ZFHX3: variants seen among roughly 807,000 people sequenced by gnomAD.
ZFHX3 encodes the protein zinc finger homeobox protein 3.
Under a neutral mutation model 279.1 loss-of-function variants are expected in ZFHX3, and 42 were observed. The observed-to-expected ratio is 0.15, with a 90% CI of 0.12 to 0.19. ZFHX3 has a LOEUF of 0.19. Among genes scored for constraint, ZFHX3 ranks in the 10% least tolerant of loss-of-function variants. The probability of loss-of-function intolerance (pLI) is 1.00; values close to 1 mark genes in which losing one functional copy is unlikely to be tolerated. For synonymous variants in ZFHX3, 2,293 were observed against 1,957.8 expected, an observed-to-expected ratio of 1.17 and a Z score of -4.52; for missense variants, 4,981 against 4,754.0, an observed-to-expected ratio of 1.05 and a Z score of -1.40.
intron 2 of ZFHX3, chr16:73,486,805 C>T: frequency 2.2e-6 from 1 of 455,900 alleles, no homozygotes; most frequent in South Asian, 1.5e-5. Flanking sequence ...ATCCATCGTT[C>T]AATGTACCGT....
chr16:72,877,347 T>C (rs2038339049), intron 4 of ZFHX3, among the ~76,000 whole-genome samples: 1 of 124,320 alleles, frequency 8.0e-6, no homozygotes, highest in Admixed American at 7.7e-5. Context: ...GTTAAGGCAC[T>C]GTGTAGGTTT....
chr16:73,346,045 G>A (rs966026745), intron 3 of ZFHX3, among the ~76,000 whole-genome samples: 1 of 152,138 alleles, frequency 6.6e-6, no homozygotes. Flanking sequence ...GTCCCTCTGA[G>A]ACCCTTCTCA....
At chr16:73,587,079 G>C (rs1247990495) in intron 2 of ZFHX3, among the ~76,000 whole-genome samples, 1 of 152,160 alleles carries the variant, frequency 6.6e-6, no homozygotes, top group Non-Finnish European at 1.5e-5. Context: ...GTGAAAGAAA[G>C]AGTGAAATTT....
At chr16:73,714,123 T>C (rs2053391626) in intron 1 of ZFHX3, among the ~76,000 whole-genome samples, 1 of 152,176 alleles carries the variant, frequency 6.6e-6, no homozygotes, top group Non-Finnish European at 1.5e-5. Flanking sequence ...TGCTCAGTAT[T>C]AATTATTAAC....
intron 2 of ZFHX3, among the ~76,000 whole-genome samples, chr16:73,667,371 T>C (rs945999257): frequency 6.6e-6 from 1 of 152,214 alleles, no homozygotes; most frequent in Non-Finnish European, 1.5e-5. Flanking sequence ...GTAAAGCCAC[T>C]GTAAATGTTA....
At chr16:73,157,020 T>G (rs1967103803) in intron 5 of ZFHX3, among the ~76,000 whole-genome samples, 1 of 151,962 alleles carries the variant, frequency 6.6e-6, no homozygotes, top group African/African-American at 2.4e-5. Flanking sequence ...CCTCCTGGCT[T>G]ATTTTTTAAT....
At chr16:73,182,466 C>CA (rs973135469) in intron 5 of ZFHX3, among the ~76,000 whole-genome samples, 34 of 151,478 alleles carry the variant, frequency 2.2e-4, no homozygotes, top group East Asian at 7.8e-4. Context: ...CAAAACAAAA[C>CA]AAAAAAAACA....
At chr16:73,841,582 C>T (rs1961310134) in intron 1 of ZFHX3, among the ~76,000 whole-genome samples, 1 of 152,096 alleles carries the variant, frequency 6.6e-6, no homozygotes, top group African/African-American at 2.4e-5. Context: ...CAGGATAATG[C>T]CATGGCCACA....
chr16:73,650,817 C>T (rs982361495), intron 2 of ZFHX3, among the ~76,000 whole-genome samples: 6 of 152,032 alleles, frequency 3.9e-5, no homozygotes, highest in Non-Finnish European at 7.4e-5. Context: ...TCCTAGGTCT[C>T]AAAACCCACA....
At chr16:73,142,617 A>T (rs979249254) in intron 6 of ZFHX3, among the ~76,000 whole-genome samples, 2 of 152,224 alleles carry the variant, frequency 1.3e-5, no homozygotes, top group Non-Finnish European at 2.9e-5. Flanking sequence ...AGATGCGTTA[A>T]TGAGTGCATG....
chr16:73,051,338 T>C (rs760169596), upstream of ZFHX3, among the ~76,000 whole-genome samples: 25 of 152,186 alleles, frequency 1.6e-4, no homozygotes, highest in Non-Finnish European at 3.5e-4. Context: ...GTTCACCCCA[T>C]GATTTTGAGG....
intron 5 of ZFHX3, among the ~76,000 whole-genome samples, chr16:73,219,176 T>C (rs1414463056): frequency 6.6e-6 from 1 of 152,246 alleles, no homozygotes; most frequent in Non-Finnish European, 1.5e-5. Context: ...GATCACATTT[T>C]GTTTGTCCAT....
intron 2 of ZFHX3, among the ~76,000 whole-genome samples, chr16:73,464,822 G>A (rs1295015953): frequency 5.9e-5 from 9 of 152,160 alleles, no homozygotes; most frequent in African/African-American, 2.2e-4. Context: ...TCTCTTTATC[G>A]TTCCTTTGTC....
intron 1 of ZFHX3, among the ~76,000 whole-genome samples, chr16:73,691,000 T>G (rs1323833804): frequency 2.0e-5 from 3 of 152,060 alleles, no homozygotes; most frequent in Non-Finnish European, 2.9e-5. Context: ...TTTTTCCACC[T>G]GCATAAGACT....
At chr16:73,233,208 C>CCGG (rs976808964) in intron 5 of ZFHX3, 1 of 151,582 alleles carries the variant, frequency 6.6e-6, no homozygotes, top group Non-Finnish European at 1.5e-5. Flanking sequence ...GCTCGATGTT[C>CCGG]CTTAGCCAAG....
At chr16:73,268,726 G>T (rs2014055017) in intron 4 of ZFHX3, among the ~76,000 whole-genome samples, 1 of 152,190 alleles carries the variant, frequency 6.6e-6, no homozygotes, top group Non-Finnish European at 1.5e-5. Context: ...ATGAGGGGTT[G>T]GTGCAACCCG....
intron 2 of ZFHX3, among the ~76,000 whole-genome samples, chr16:73,458,369 CT>C (rs1298922537): frequency 6.9e-6 from 1 of 144,660 alleles, no homozygotes; most frequent in Non-Finnish European, 1.5e-5. Flanking sequence ...TTCCTCCCTC[CT>C]TCCTCCCTCC....
chr16:72,896,352 A>G (rs563442680), intron 3 of ZFHX3, among the ~76,000 whole-genome samples: 24 of 152,312 alleles, frequency 1.6e-4, no homozygotes, highest in African/African-American at 5.8e-4. Flanking sequence ...ACACGAAAAC[A>G]TCTCACGGCC....
intron 2 of ZFHX3, among the ~76,000 whole-genome samples, chr16:73,540,517 G>T (rs928178947): frequency 2.0e-5 from 3 of 152,148 alleles, no homozygotes; most frequent in African/African-American, 7.2e-5. Context: ...AGAGAAAAAA[G>T]ATCAATCATT....
Sources: allele counts gnomAD v4.1 joint callset (sites outside exome capture counted in the v4.1 genomes callset), GRCh38; gene constraint gnomAD v4.1.1; transcripts MANE v1.5; gene names NCBI Gene and HGNC (gene_info 2026-07-23, HGNC 2026-07-21).